DGAT1: variants seen among roughly 807,000 people sequenced by gnomAD.
DGAT1 encodes ACAT related gene product 1.
In DGAT1, 60 loss-of-function variants were observed where a neutral mutation model predicts 72.6. The ratio of observed to expected loss-of-function variants is 0.83; its 90% CI spans 0.67 to 1.02. DGAT1 has a LOEUF of 1.02. Among genes scored for constraint, DGAT1 ranks in the 50% least tolerant of loss-of-function variants. DGAT1 has a pLI of 0.00. For synonymous variants in DGAT1, 290 were observed against 267.5 expected (o/e 1.08, Z -0.82); for missense variants, 592 against 670.0 (o/e 0.88, Z 1.29).
At chr8:144,321,280 A>C (rs1817448799) in intron 2 of DGAT1, 41 bp downstream of exon 2, 2 of 1,587,616 alleles carry the variant, frequency 1.3e-6, no homozygotes, top group Non-Finnish European at 1.7e-6. Context: ...ACAGAGCCCC[A>C]CCTGGACCTA....
intron 2 of DGAT1, among the ~76,000 whole-genome samples, chr8:144,320,286 C>T (rs1817411375): frequency 6.6e-6 from 1 of 152,232 alleles, no homozygotes; most frequent in African/African-American, 2.4e-5. Context: ...ACAGTGCTGC[C>T]TGGGCTGGAC....
intron 1 of DGAT1, among the ~76,000 whole-genome samples, chr8:144,325,962 G>A (rs528098267): frequency 6.6e-6 from 1 of 152,044 alleles, no homozygotes. Flanking sequence ...CCCTGTCCTC[G>A]GACAGGCCTG....
chr8:144,317,874 C>T (rs1817300619), intron 9 of DGAT1, 40 bp downstream of exon 9: 4 of 1,568,058 alleles, frequency 2.6e-6, no homozygotes, highest in Non-Finnish European at 2.6e-6. Flanking sequence ...GCCAGAAGGC[C>T]CCCTAGCCTC....
Position 144,316,632 on chromosome 8 carries a change from G to A in DGAT1, c.1389C>T (p.Ile463=), listed in dbSNP as rs527932902. 72 of 1,609,276 alleles carry A rather than the reference G, an allele frequency of 4.5e-5. No individual in the cohort carries two copies. The highest frequency in any genetic ancestry group is 2.9e-4 in the Admixed American group (17 of 59,558). ...GNAAVWLSLI[I]GQPIAVLMYV... is the part of the protein sequence containing the mutation. ...ACATGAGGACGGCTATTGGCTGTCCGATGATGAGCGACAGCCACACAGCTG... is the reference window on the plus strand; with the variant it reads ...ACATGAGGACGGCTATTGGCTGTCCAATGATGAGCGACAGCCACACAGCTG... The change falls in exon 17 of 17, where the codon ATC becomes ATT. Residue 463 remains isoleucine, a synonymous_variant. Coordinates refer to ENST00000528718, the MANE Select transcript of DGAT1 (RefSeq NM_012079.6).
At chr8:144,320,533 G>C (rs1009048908) in intron 2 of DGAT1, among the ~76,000 whole-genome samples, 1 of 152,180 alleles carries the variant, frequency 6.6e-6, no homozygotes, top group Non-Finnish European at 1.5e-5. Flanking sequence ...GACACGCCTG[G>C]GTGAAGGTCA....
rs1554847082 is a variant in DGAT1, at chr8:144,316,722, G to A, written c.1312-13C>T. On this transcript the variant is annotated splice_polypyrimidine_tract_variant and intron_variant, in intron 16 of 16. Coordinates refer to ENST00000528718, the MANE Select transcript of DGAT1 (RefSeq NM_012079.6). ...AGGCCAGTGGGATCTAGGGAGTGAG[G>A]GGCCAAGTCAGTCGGCCATGGTGAC... 4.3e-6 allele frequency: 7 copies of A among 1,609,708 alleles called. No individual in the cohort carries two copies. The highest frequency in any genetic ancestry group is 4.5e-5 in the East Asian group (2 of 44,708).
In DGAT1 at chr8:144,316,388, C is replaced by G. The variant is rs538294984; in HGVS notation, c.*166G>C. On this transcript the variant is annotated 3_prime_UTR_variant, in exon 17 of 17. Coordinates refer to ENST00000528718, the MANE Select transcript of DGAT1 (RefSeq NM_012079.6). ...TGTGTCTGGCCTGCTGTCGCCATCC[C>G]TGAGGGGTGCAGGACAGAGCCCCAT... 2.9e-5 allele frequency: 26 copies of G among 882,816 alleles called. No homozygotes were observed. The East Asian group carries it at 7.0e-4, about 24-fold the overall frequency. 54.7% of individuals were successfully genotyped at this position (882,816 alleles called of 1,614,324 possible).
At position 144,316,566 on chromosome 8, in the gene DGAT1, C is replaced by T. The variant is rs782731581; in HGVS notation, c.1455G>A (p.Ala485=). The change falls in exon 17 of 17, where the codon GCG becomes GCA. Residue 485 remains alanine, a synonymous_variant. Transcript: ENST00000528718. The part of the protein sequence containing the change: ...DYYVLNYEAP[A]AEA Reference sequence around the variant, plus strand: ...CCTCAGGTGCAGCTCAGGCCTCTGCCGCTGGGGCCTCATAGTTGAGCACGT... The same window carrying T: ...CCTCAGGTGCAGCTCAGGCCTCTGCTGCTGGGGCCTCATAGTTGAGCACGT... The T allele has an allele frequency of 3.8e-6, 6 of 1,596,300 alleles. No individual in the cohort carries two copies. The highest frequency in any genetic ancestry group is 5.1e-6 in the Non-Finnish European group (6 of 1,172,126).
At position 144,314,794 on chromosome 8, in the gene DGAT1, A is replaced by C; in HGVS notation, c.*1760T>G. The C allele has an allele frequency of 1.8e-6, 1 of 552,418 alleles. No individual in the cohort carries two copies. The highest frequency in any genetic ancestry group is 2.0e-5 in the African/African-American group (1 of 49,166). 34.2% of individuals were successfully genotyped at this position (552,418 alleles called of 1,614,324 possible). On this transcript the variant is annotated 3_prime_UTR_variant, in exon 17 of 17. Coordinates refer to ENST00000528718, the MANE Select transcript of DGAT1 (RefSeq NM_012079.6). ...GCTGCAATGAGGAGGGGCCCAGGGC[A>C]CAGAAGGGCCGGGCTGCAGTGGCCT...
At position 144,318,708 on chromosome 8, in the gene DGAT1, GC is replaced by G. The variant is rs781956916; in HGVS notation, c.458del (p.Arg153ProfsTer7). 2.5e-6 allele frequency: 4 copies of G among 1,608,660 alleles called. No individual in the cohort carries two copies. The highest frequency in any genetic ancestry group is 3.4e-6 in the Non-Finnish European group (4 of 1,178,076). On this transcript the variant is annotated frameshift_variant, in exon 5 of 17. Transcript: ENST00000528718. LOFTEE classifies it high-confidence loss of function. The part of the protein sequence containing the change: ...FAVAAFQVEK[R>X]LAVGALTEQA... The stretch of plus-strand genomic sequence containing the variant: ...GAGGGGCACTGCTTACCACCGCCAG[GC>G]GCTTCTCAACCTGGAATGCAGCCAC...
At chr8:144,320,076 TC>T (rs1354184841) in intron 2 of DGAT1, among the ~76,000 whole-genome samples, 5 of 152,188 alleles carry the variant, frequency 3.3e-5, no homozygotes, top group African/African-American at 9.7e-5. Flanking sequence ...CACTGGCCTC[TC>T]CCGAGGGCTG....
intron 2 of DGAT1, among the ~76,000 whole-genome samples, chr8:144,320,408 C>T (rs1817415378): frequency 6.6e-6 from 1 of 152,216 alleles, no homozygotes; most frequent in Non-Finnish European, 1.5e-5. Flanking sequence ...CGTGGGCCTC[C>T]ACAGCTGGCC....
At chr8:144,325,122 T>G (rs75546267) in intron 1 of DGAT1, among the ~76,000 whole-genome samples, 6,217 of 151,920 alleles carry the variant, frequency 0.041, 226 homozygotes, top group South Asian at 0.15. Flanking sequence ...ACAGGTCATG[T>G]AGCCATCCCC....
chr8:144,317,050 A>G lies in DGAT1; in HGVS notation c.1220T>C (p.Val407Ala), dbSNP rs782641412. 1 of 1,612,334 alleles carries G rather than the reference A, an allele frequency of 6.2e-7. No individual in the cohort carries two copies. The highest frequency in any genetic ancestry group is 2.2e-5 in the East Asian group (1 of 44,872). Residue 407 changes from valine (V) to alanine (A), a missense_variant, in exon 15 of 17, where the codon GTG becomes GCG. Transcript: ENST00000528718. ...GSSKWMARTG[V>A]FLASAFFHEY... ...GTGGAAGAAGGCCGAGGCCAGGAAC[A>G]CCCCTGTCCTGGCCATCCACTTGCT...
chr8:144,321,172 A>G (rs1206915856), intron 2 of DGAT1, 149 bp downstream of exon 2: 6 of 731,740 alleles, frequency 8.2e-6, no homozygotes, highest in Middle Eastern at 2.7e-4. Flanking sequence ...TGGCAGCCAC[A>G]TGGAGGTGCA....
At chr8:144,316,952 G>C (rs1817252192) in intron 15 of DGAT1, 37 bp from the exon 16 acceptor site, 2 of 1,612,246 alleles carry the variant, frequency 1.2e-6, no homozygotes, top group Non-Finnish European at 1.7e-6. Context: ...AGGGAGTGGG[G>C]TGTCAGCCGT....
Position 144,326,761 on chromosome 8 carries a change from C to T in DGAT1, c.-125G>A. On this transcript the variant is annotated 5_prime_UTR_variant, in exon 1 of 17. Coordinates refer to ENST00000528718, the MANE Select transcript of DGAT1 (RefSeq NM_012079.6). ...ACTGCCCCCTGCCGGCCGCCGTAGC[C>T]CGGGTGACCGCCTCACCAGCGCGTT... 1 of 810,946 alleles carries T rather than the reference C, an allele frequency of 1.2e-6. No homozygotes were observed. The highest frequency in any genetic ancestry group is 1.5e-6 in the Non-Finnish European group (1 of 645,956). The allele number at this position is 810,946 out of a possible 1,614,324, so 50.2% of individuals were successfully genotyped here.
intron 15 of DGAT1, 45 bp from the exon 16 acceptor site, chr8:144,316,960 C>T (rs1817252640): frequency 1.2e-6 from 2 of 1,612,098 alleles, no homozygotes; most frequent in Non-Finnish European, 8.5e-7. Flanking sequence ...GGGTGTCAGC[C>T]GTCCCTGCTG....
intron 1 of DGAT1, among the ~76,000 whole-genome samples, chr8:144,324,083 G>A (rs1451437087): frequency 1.3e-5 from 2 of 152,242 alleles, no homozygotes; most frequent in Non-Finnish European, 2.9e-5. Context: ...GAGGGCTGGT[G>A]GGTGTGTGCA....
Sources: gnomAD v4.1 joint callset for allele counts (sites outside exome capture counted in the v4.1 genomes callset) on GRCh38, gnomAD v4.1.1 for gene constraint, MANE v1.5 for transcripts, NCBI Gene and HGNC (gene_info 2026-07-23, HGNC 2026-07-21) for gene names.